The following DDX21 variants were observed in gnomAD, a reference collection of about 807,000 sequenced individuals.
The protein encoded by DDX21 is DExD-box helicase 21.
A neutral mutation model predicts 90.0 loss-of-function variants in DDX21; 18 were observed. The ratio of observed to expected loss-of-function variants is 0.20; its 90% CI spans 0.14 to 0.30. DDX21 has a LOEUF of 0.30. Ranked by LOEUF, DDX21 falls within the 10% of genes least tolerant of loss-of-function variation. The probability of loss-of-function intolerance (pLI) is 1.00; values close to 1 mark genes in which losing one functional copy is unlikely to be tolerated. For missense variants in DDX21, 673 were observed against 944.5 expected (o/e 0.71, Z 3.77); for synonymous variants, 294 against 318.0 (o/e 0.92, Z 0.80).
At chr10:68,968,800 A>G (rs1414518972) in intron 6 of DDX21, among the ~76,000 whole-genome samples, 176 bp from the exon 7 acceptor site, 2 of 152,194 alleles carry the variant, frequency 1.3e-5, no homozygotes, top group African/African-American at 4.8e-5. Context: ...ACCTAGCGGT[A>G]TTTCTTTGCC....
intron 13 of DDX21, among the ~76,000 whole-genome samples, chr10:68,980,691 A>G (rs575803550): frequency 6.6e-6 from 1 of 152,216 alleles, no homozygotes; most frequent in South Asian, 2.1e-4. Context: ...CCTTGATTGG[A>G]GAGGATGGCA....
intron 11 of DDX21, among the ~76,000 whole-genome samples, chr10:68,975,005 C>A (rs751364255): frequency 3.3e-5 from 5 of 152,000 alleles, no homozygotes; most frequent in African/African-American, 1.2e-4. Flanking sequence ...CAAAAAAAAA[C>A]CAGACCGTGC....
Position 68,960,037 on chromosome 10 carries a change from G to A in DDX21, c.319G>A (p.Val107Ile). ...KKKEPIEKKV[V>I]SSKTKKVTKN... ...AAAGGAGCCCATTGAAAAGAAAGTGGTTTCTTCTAAAACCAAAAAAGTGAC... is the reference window on the plus strand; with the variant it reads ...AAAGGAGCCCATTGAAAAGAAAGTGATTTCTTCTAAAACCAAAAAAGTGAC... The change falls in exon 2 of 15, where the codon GTT becomes ATT. Residue 107 changes from valine to isoleucine, a missense_variant. Physicochemically the swap from Val to Ile is conservative, Grantham distance 29. This residue lies in a region of DDX21 where 204 missense variants were observed against 221.6 expected (regional missense o/e 0.92). Transcript: ENST00000354185. 1 of 1,603,770 alleles carries A rather than the reference G, an allele frequency of 6.2e-7. No homozygotes were observed. Among genetic ancestry groups the A allele is most frequent in the Non-Finnish European group, 8.5e-7 (1 of 1,177,836 alleles).
chr10:68,976,064 AAT>A (rs1422695522), intron 11 of DDX21, among the ~76,000 whole-genome samples: 4 of 144,882 alleles, frequency 2.8e-5, no homozygotes, highest in Admixed American at 2.1e-4. Context: ...AAAAAAAAAA[AAT>A]ACAAAAATAC....
chr10:68,966,407 C>T (rs1842938948), intron 5 of DDX21, among the ~76,000 whole-genome samples: 2 of 148,290 alleles, frequency 1.3e-5, no homozygotes, highest in African/African-American at 5.0e-5. Flanking sequence ...CTATTGTCCT[C>T]CAGTAGTGCA....
chr10:68,978,853 C>T lies in DDX21; in HGVS notation c.1914C>T (p.Thr638=). 1 of 1,612,436 alleles carries T rather than the reference C, an allele frequency of 6.2e-7. No homozygotes were observed. Among genetic ancestry groups the T allele is most frequent in the Non-Finnish European group, 8.5e-7 (1 of 1,178,978 alleles). Reference sequence around the variant, plus strand: ...TCTTGTGTTGTAAGGGTTTTGTGACCATGATCTTGCAGTGCTCAATTGAAA... The same window carrying T: ...TCTTGTGTTGTAAGGGTTTTGTGACTATGATCTTGCAGTGCTCAATTGAAA... The part of the protein sequence containing the change: ...SLINSNVGFV[T]MILQCSIEMP... Residue 638 remains threonine, a synonymous_variant, in exon 13 of 15, where the codon ACC becomes ACT. Coordinates refer to ENST00000354185, the MANE Select transcript of DDX21 (RefSeq NM_004728.4).
At chr10:68,958,687 T>C (rs1842833449) in intron 1 of DDX21, among the ~76,000 whole-genome samples, 1 of 152,176 alleles carries the variant, frequency 6.6e-6, no homozygotes, top group African/African-American at 2.4e-5. Flanking sequence ...TTCGCCCTCC[T>C]TGGCCTCCCA....
chr10:68,963,388 G>A lies in DDX21; in HGVS notation c.705G>A (p.Gly235=), dbSNP rs1417863202. Residue 235 remains glycine, a synonymous_variant, in exon 4 of 15, where the codon GGG becomes GGA. Transcript: ENST00000354185. ...TTGCACAGGCACGGACAGGAACTGGGAAGACATTCTCCTTTGCCATCCCTT... is the reference window on the plus strand; with the variant it reads ...TTGCACAGGCACGGACAGGAACTGGAAAGACATTCTCCTTTGCCATCCCTT... ...DLIAQARTGT[G]KTFSFAIPLI... 5.6e-6 allele frequency: 9 copies of A among 1,614,012 alleles called. No individual in the cohort carries two copies. Among genetic ancestry groups the A allele is most frequent in the Middle Eastern group, 1.6e-4 (1 of 6,084 alleles).
chr10:68,968,687 G>C (rs1254673850), intron 6 of DDX21, among the ~76,000 whole-genome samples: 3 of 152,208 alleles, frequency 2.0e-5, no homozygotes, highest in African/African-American at 7.2e-5. Flanking sequence ...ATTGAGAATA[G>C]AAATCTTAGA....
At position 68,977,612 on chromosome 10, in the gene DDX21, A is replaced by C. The variant is rs1843121126; in HGVS notation, c.1826A>C (p.Glu609Ala). Reference protein sequence around the residue: ...EKLIEEKGAVEALAAALAHIS... With the variant: ...EKLIEEKGAVAALAAALAHIS... ...CTGATAGAGGAGAAGGGAGCTGTGG[A>C]AGCTCTGGCAGCAGCACTGGCCCAT... Residue 609 changes from glutamate (E) to alanine (A), a missense_variant, in exon 12 of 15, where the codon GAA becomes GCA. Physicochemically the swap from Glu to Ala is moderately radical, Grantham distance 107. Around this residue, in one of 4 missense-constraint regions of DDX21, gnomAD observed 225 missense variants for 298.8 expected, o/e 0.75. Transcript: ENST00000354185. 1.2e-6 allele frequency: 2 copies of C among 1,614,052 alleles called. No homozygotes were observed. Among genetic ancestry groups the C allele is most frequent in the African/African-American group, 1.3e-5 (1 of 75,042 alleles).
intron 11 of DDX21, among the ~76,000 whole-genome samples, chr10:68,977,157 A>G (rs963286411): frequency 1.3e-5 from 2 of 152,188 alleles, no homozygotes; most frequent in African/African-American, 4.8e-5. Context: ...AACTCTTGAC[A>G]TAATTCATCA....
intron 1 of DDX21, among the ~76,000 whole-genome samples, chr10:68,958,917 G>A (rs1327569747): frequency 6.6e-6 from 1 of 152,042 alleles, no homozygotes; most frequent in Non-Finnish European, 1.5e-5. Flanking sequence ...TGTAAGATAG[G>A]CAAAGTGCAG....
intron 10 of DDX21, 38 bp from the exon 11 acceptor site, chr10:68,974,632 G>A (rs1843069950): frequency 1.9e-6 from 3 of 1,543,932 alleles, no homozygotes; most frequent in Non-Finnish European, 2.7e-6. Flanking sequence ...AACAATTGAT[G>A]GCCACTGTAC....
chr10:68,968,639 G>T (rs1293679420), intron 6 of DDX21, among the ~76,000 whole-genome samples: 1 of 152,152 alleles, frequency 6.6e-6, no homozygotes, highest in Non-Finnish European at 1.5e-5. Context: ...ATAGTAGCTG[G>T]ACTCAATGAT....
chr10:68,961,017 G>T (rs1842865908), intron 2 of DDX21, among the ~76,000 whole-genome samples: 1 of 152,170 alleles, frequency 6.6e-6, no homozygotes, highest in African/African-American at 2.4e-5. Context: ...TCATCCTGGA[G>T]TTGAACAGGA....
chr10:68,956,526 G>A lies in DDX21; in HGVS notation c.87+214G>A, dbSNP rs910291506. 18 of 1,412,704 alleles carry A rather than the reference G, an allele frequency of 1.3e-5. No homozygotes were observed. The Admixed American group carries it at 4.7e-4, about 37-fold the overall frequency. The allele number at this position is 1,412,704 out of a possible 1,614,324, so 87.5% of individuals were successfully genotyped here. On this transcript the variant is annotated intron_variant, in intron 1 of 14. Transcript: ENST00000354185. ...CCCGACCGAGCCAGGTCCGCCGTGC[G>A]CTGACCTCTTCCTCTGAGCTTATAG...
In DDX21 at chr10:68,982,667, G is replaced by C; in HGVS notation, c.2207G>C (p.Gly736Ala). The C allele has an allele frequency of 6.2e-7, 1 of 1,614,066 alleles. No individual in the cohort carries two copies. Among genetic ancestry groups the C allele is most frequent in the African/African-American group, 1.3e-5 (1 of 75,002 alleles). ...GQREGSRGFR[G>A]QRDGNRRFRG... is the part of the protein sequence containing the mutation. ...CGGGAAGGCAGTCGAGGCTTCAGGG[G>C]ACAGCGGGACGGAAACAGAAGATTC... The change falls in exon 15 of 15, where the codon GGA becomes GCA. Residue 736 changes from glycine (G) to alanine (A), a missense_variant. Gly to Ala is a moderately conservative substitution (Grantham distance 60). Transcript: ENST00000354185.
intron 9 of DDX21, among the ~76,000 whole-genome samples, chr10:68,972,469 G>C (rs1055253996): frequency 6.6e-6 from 1 of 152,224 alleles, no homozygotes; most frequent in Non-Finnish European, 1.5e-5. Flanking sequence ...CTGAATCATA[G>C]TTTACTTGAT....
intron 1 of DDX21, among the ~76,000 whole-genome samples, chr10:68,958,476 G>A (rs752292874): frequency 1.2e-4 from 18 of 151,568 alleles, no homozygotes; most frequent in Non-Finnish European, 1.9e-4. Flanking sequence ...TTGCTGTGTC[G>A]CCCAGGCTGG....
Sources: allele counts gnomAD v4.1 joint callset (sites outside exome capture counted in the v4.1 genomes callset), GRCh38; gene constraint gnomAD v4.1.1; regional missense constraint gnomAD v4.1.1; transcripts MANE v1.5; gene names NCBI Gene and HGNC (gene_info 2026-07-23, HGNC 2026-07-21).